TTLL11: variants seen among roughly 807,000 people sequenced by gnomAD.
The protein encoded by TTLL11 is tubulin tyrosine ligase like 11.
In TTLL11, 42 loss-of-function variants were observed where a neutral mutation model predicts 51.7. The observed-to-expected ratio is 0.81, with a 90% CI of 0.64 to 1.05. The LOEUF (loss-of-function observed/expected upper bound fraction) is 1.05, where lower values mean the gene tolerates loss of function less well. TTLL11 is among the 50% of genes least tolerant of loss of function. TTLL11 has a pLI of 0.00. For synonymous variants in TTLL11, 381 were observed against 383.5 expected (o/e 0.99, Z 0.08); for missense variants, 799 against 940.4 (o/e 0.85, Z 1.97).
chr9:121,831,507 T>C (rs1484970580), intron 8 of TTLL11, among the ~76,000 whole-genome samples: 2 of 152,054 alleles, frequency 1.3e-5, no homozygotes, highest in Non-Finnish European at 2.9e-5. Flanking sequence ...GAGACCAGCC[T>C]GGCCAACATA....
intron 7 of TTLL11, among the ~76,000 whole-genome samples, chr9:121,865,230 A>G (rs1838141920): frequency 6.6e-6 from 1 of 152,078 alleles, no homozygotes; most frequent in African/African-American, 2.4e-5. Flanking sequence ...CTAACACACC[A>G]CGTTGCCTCT....
chr9:122,033,250 T>C (rs1432493941), intron 2 of TTLL11, among the ~76,000 whole-genome samples: 1 of 151,910 alleles, frequency 6.6e-6, no homozygotes, highest in Non-Finnish European at 1.5e-5. Context: ...GTAGCTGGGA[T>C]TACAGGTGTG....
rs1836417066 is a variant in TTLL11, at chr9:121,816,616, CGTGTGTGCATGTGTG to C, written c.*5956_*5970del. 1 of 145,036 alleles carries C rather than the reference CGTGTGTGCATGTGTG, an allele frequency of 6.9e-6. No homozygotes were observed. Among genetic ancestry groups the C allele is most frequent in the African/African-American group, 2.6e-5 (1 of 38,994 alleles). The allele number at this position is 145,036 out of a possible 1,614,324, so 9.0% of individuals were successfully genotyped here. The stretch of plus-strand genomic sequence containing the variant: ...CGTGTGTGCATGTGTGCATTGTGTA[CGTGTGTGCATGTGTG>C]GTGTGTGCGCGCACATGCGTGTGTG... On this transcript the variant is annotated 3_prime_UTR_variant, in exon 9 of 9. Coordinates refer to ENST00000321582, the MANE Select transcript of TTLL11 (RefSeq NM_001139442.2).
At chr9:122,030,213 G>GGGGT (rs1564365994) in intron 3 of TTLL11, among the ~76,000 whole-genome samples, 1 of 135,892 alleles carries the variant, frequency 7.4e-6, no homozygotes, top group African/African-American at 2.6e-5. Flanking sequence ...GGGGGGGGGG[G>GGGGT]GGTAATTATG....
At chr9:121,925,168 A>G (rs778199223) in intron 6 of TTLL11, among the ~76,000 whole-genome samples, 2 of 152,204 alleles carry the variant, frequency 1.3e-5, no homozygotes, top group Non-Finnish European at 2.9e-5. Flanking sequence ...CTACCATGAT[A>G]TTTCTGAAGG....
chr9:121,850,489 G>T (rs1254616621), intron 8 of TTLL11, among the ~76,000 whole-genome samples: 1 of 152,144 alleles, frequency 6.6e-6, no homozygotes, highest in African/African-American at 2.4e-5. Flanking sequence ...CTGGAGTTCT[G>T]ACGTCCAAAG....
chr9:121,953,998 G>C (rs1841940774), intron 6 of TTLL11, among the ~76,000 whole-genome samples: 1 of 152,196 alleles, frequency 6.6e-6, no homozygotes, highest in Non-Finnish European at 1.5e-5. Flanking sequence ...TTGCTGAAGA[G>C]AGAAAGCCCA....
At chr9:121,908,216 A>C (rs1204374946) in intron 6 of TTLL11, among the ~76,000 whole-genome samples, 1 of 152,206 alleles carries the variant, frequency 6.6e-6, no homozygotes, top group African/African-American at 2.4e-5. Context: ...ATCCATTCCA[A>C]ACTTGCTGGA....
Position 121,826,169 on chromosome 9 carries a change from T to TATATAC in TTLL11, c.1841-3291_1841-3290insGTATAT, listed in dbSNP as rs1488670137. Among the ~76,000 whole-genome samples the TATATAC allele has an allele frequency of 7.3e-5, 7 of 95,460 alleles. 1 individual carries two copies. The highest frequency in any genetic ancestry group is 2.7e-4 in the African/African-American group (7 of 26,006). The allele number at this position is 95,460 out of a possible 152,430, so 62.6% of individuals were successfully genotyped here. ...TCAAAGTAGAATATATATATATATA[T>TATATAC]ATATAACCAGTAACCTATATATATA... On this transcript the variant is annotated intron_variant, in intron 8 of 8. Transcript: ENST00000321582.
At chr9:121,878,508 C>T (rs1175674963) in intron 6 of TTLL11, among the ~76,000 whole-genome samples, 1 of 152,162 alleles carries the variant, frequency 6.6e-6, no homozygotes, top group African/African-American at 2.4e-5. Context: ...GGGATGGATT[C>T]CCAGAGCTGC....
At chr9:122,082,332 C>T (rs553056389) in intron 1 of TTLL11, among the ~76,000 whole-genome samples, 2 of 151,970 alleles carry the variant, frequency 1.3e-5, no homozygotes, top group Admixed American at 6.6e-5. Context: ...GGTGAAACCC[C>T]GTCTCTACTG....
At chr9:122,043,029 A>G (rs73552047) in intron 1 of TTLL11, among the ~76,000 whole-genome samples, 6,751 of 152,220 alleles carry the variant, frequency 0.044, 293 homozygotes, top group Admixed American at 0.12. Context: ...GTCATTATAC[A>G]TTTTTCAAAA....
intron 3 of TTLL11, among the ~76,000 whole-genome samples, chr9:122,017,565 C>A (rs780754220): frequency 6.8e-6 from 1 of 146,490 alleles, no homozygotes; most frequent in Admixed American, 6.9e-5. Context: ...CTGTTTCAAA[C>A]AATTCTCCTG....
intron 4 of TTLL11, among the ~76,000 whole-genome samples, chr9:121,979,039 T>C (rs1034308107): frequency 6.6e-6 from 1 of 152,086 alleles, no homozygotes; most frequent in African/African-American, 2.4e-5. Flanking sequence ...AGGGCAGAAA[T>C]GATGAAATGT....
chr9:122,049,507 A>G lies in TTLL11; in HGVS notation c.463-10139T>C, dbSNP rs547787552. 8.5e-5 allele frequency among the ~76,000 whole-genome samples: 13 copies of G among 152,284 alleles called. 1 individual carries two copies. In the South Asian group the frequency reaches 2.7e-3, roughly 32 times the overall value. ...ACTGCTATAGTCTTATTTACTAGTC[A>G]CGCATGAATAACTGTAACCCTCACC... On this transcript the variant is annotated intron_variant, in intron 1 of 8. Coordinates refer to ENST00000321582, the MANE Select transcript of TTLL11 (RefSeq NM_001139442.2).
intron 3 of TTLL11, among the ~76,000 whole-genome samples, chr9:122,002,171 G>A (rs748725472): frequency 9.2e-5 from 14 of 152,324 alleles, no homozygotes; most frequent in East Asian, 1.9e-4. Flanking sequence ...ATGTTAGCCC[G>A]GCACCTGCTT....
intron 3 of TTLL11, among the ~76,000 whole-genome samples, chr9:122,012,678 GCACACACACACACACACACACA>G (rs375690929): frequency 7.0e-6 from 1 of 142,554 alleles, no homozygotes; most frequent in East Asian, 2.0e-4. Flanking sequence ...ACACACACAC[GCACACACACACACACACACACA>G]CACCAAGTTA....
rs114515549 is a variant in TTLL11, at chr9:122,010,462, T to G, written c.694-20692A>C. On this transcript the variant is annotated intron_variant, in intron 3 of 8. Coordinates refer to ENST00000321582, the MANE Select transcript of TTLL11 (RefSeq NM_001139442.2). ...TGTTTTGTAAAGAAAGTTTTCTCATTTACGTATGGATGGTCTATGTCTGCT... is the reference window on the plus strand; with the variant it reads ...TGTTTTGTAAAGAAAGTTTTCTCATGTACGTATGGATGGTCTATGTCTGCT... Among the ~76,000 whole-genome samples the G allele has an allele frequency of 5.5e-3, 838 of 152,332 alleles. 11 individuals are homozygous for G. The highest frequency in any genetic ancestry group is 0.02 in the African/African-American group (812 of 41,572).
intron 6 of TTLL11, among the ~76,000 whole-genome samples, chr9:121,961,787 G>A (rs1328312805): frequency 6.6e-6 from 1 of 152,216 alleles, no homozygotes; most frequent in African/African-American, 2.4e-5. Context: ...CAGGTGCCAT[G>A]GCTCACACCT....
Sources: allele counts gnomAD v4.1 joint callset (sites outside exome capture counted in the v4.1 genomes callset), GRCh38; gene constraint gnomAD v4.1.1; transcripts MANE v1.5; gene names NCBI Gene and HGNC (gene_info 2026-07-23, HGNC 2026-07-21).